TTC39B: variants seen among roughly 807,000 people sequenced by gnomAD.
The protein encoded by TTC39B is tetratricopeptide repeat protein 39B.
Under a neutral mutation model 96.6 loss-of-function variants are expected in TTC39B, and 92 were observed. That is an observed-to-expected ratio of 0.95 (90% CI 0.80 to 1.13). The LOEUF (loss-of-function observed/expected upper bound fraction) is 1.13, where lower values mean the gene tolerates loss of function less well. Ranked by LOEUF, TTC39B falls within the 50% of genes most tolerant of loss-of-function variation. The pLI, the probability that TTC39B is intolerant of heterozygous loss-of-function variation, is 0.00. For synonymous variants in TTC39B, 367 were observed against 299.4 expected, an observed-to-expected ratio of 1.23 and a Z score of -2.33; for missense variants, 955 against 809.3, an observed-to-expected ratio of 1.18 and a Z score of -2.18.
intron 8 of TTC39B, among the ~76,000 whole-genome samples, chr9:15,194,508 AC>A (rs1306872190): frequency 1.3e-5 from 2 of 152,158 alleles, no homozygotes; most frequent in East Asian, 1.9e-4. Flanking sequence ...CTTTCAAAAA[AC>A]CCTGTGGTTC....
intron 1 of TTC39B, among the ~76,000 whole-genome samples, chr9:15,280,363 G>A (rs141688372): frequency 1.3e-5 from 2 of 152,272 alleles, no homozygotes; most frequent in South Asian, 4.1e-4. Context: ...GTTTGCCTAC[G>A]TTTGCGCAAT....
chr9:15,251,731 A>ATATATATATATGTATG (rs1563764609), intron 2 of TTC39B, among the ~76,000 whole-genome samples: 21 of 126,956 alleles, frequency 1.7e-4, no homozygotes, highest in African/African-American at 6.7e-4. Context: ...ATATATATAT[A>ATATATATATATGTATG]TATATGTAGT....
At chr9:15,175,351 CACT>C (rs1441409433) in intron 18 of TTC39B, among the ~76,000 whole-genome samples, 3 of 152,084 alleles carry the variant, frequency 2.0e-5, no homozygotes, top group African/African-American at 7.2e-5. Flanking sequence ...GTAAACCCAG[CACT>C]GATGGTTGAT....
At chr9:15,190,597 G>C in exon 11 of TTC39B, 1 of 1,614,168 alleles carries the variant, frequency 6.2e-7, no homozygotes, top group Non-Finnish European at 8.5e-7. Flanking sequence ...AGATGGTTAA[G>C]CAGCACAGTG....
chr9:15,298,873 C>T (rs1824478831), intron 1 of TTC39B, among the ~76,000 whole-genome samples: 1 of 152,154 alleles, frequency 6.6e-6, no homozygotes, highest in African/African-American at 2.4e-5. Context: ...GCACCTTATC[C>T]CGCTATTCCC....
At chr9:15,226,986 T>TTTTTTG (rs1395566775) in intron 2 of TTC39B, among the ~76,000 whole-genome samples, 3 of 152,228 alleles carry the variant, frequency 2.0e-5, no homozygotes, top group Middle Eastern at 3.4e-3. Context: ...TTTGTGGTTG[T>TTTTTTG]TTTTTGTTTT....
intron 1 of TTC39B, among the ~76,000 whole-genome samples, chr9:15,294,969 G>C (rs1172690898): frequency 6.6e-6 from 1 of 152,200 alleles, no homozygotes; most frequent in African/African-American, 2.4e-5. Flanking sequence ...ACATGGAGGA[G>C]CAGGGATTCA....
chr9:15,215,699 A>T (rs1820476187), intron 3 of TTC39B, among the ~76,000 whole-genome samples: 1 of 151,362 alleles, frequency 6.6e-6, no homozygotes, highest in African/African-American at 2.4e-5. Context: ...CTCTACTAAA[A>T]ATACAAAAAT....
intron 1 of TTC39B, 99 bp from the exon 2 acceptor site, chr9:15,268,047 G>T (rs1823202770): frequency 1.9e-6 from 2 of 1,050,820 alleles, no homozygotes; most frequent in African/African-American, 1.6e-5. Context: ...GGGGAGAGTG[G>T]TCCTGGCAGG....
At chr9:15,190,329 T>C (rs1359384785) in intron 11 of TTC39B, among the ~76,000 whole-genome samples, 2 of 151,886 alleles carry the variant, frequency 1.3e-5, no homozygotes, top group Non-Finnish European at 2.9e-5. Context: ...ATCAACTTTA[T>C]GTTTTGTCTT....
chr9:15,216,172 T>C (rs749097265), intron 3 of TTC39B, among the ~76,000 whole-genome samples: 5 of 152,206 alleles, frequency 3.3e-5, no homozygotes, highest in African/African-American at 4.8e-5. Context: ...TCCAAAAGTA[T>C]CTTGTGCATG....
intron 2 of TTC39B, among the ~76,000 whole-genome samples, chr9:15,242,720 C>T (rs778344783): frequency 7.9e-5 from 12 of 152,138 alleles, no homozygotes; most frequent in East Asian, 1.9e-4. Flanking sequence ...TCTCAAATGA[C>T]TCAGAAAATA....
intron 13 of TTC39B, 92 bp downstream of exon 13, chr9:15,189,482 G>A (rs1667986565): frequency 7.2e-7 from 1 of 1,389,536 alleles, no homozygotes; most frequent in South Asian, 1.3e-5. Flanking sequence ...ATATAGCCAA[G>A]TTTACTTTTG....
At chr9:15,271,172 T>A (rs900098004) in intron 1 of TTC39B, among the ~76,000 whole-genome samples, 2 of 152,124 alleles carry the variant, frequency 1.3e-5, no homozygotes, top group Non-Finnish European at 2.9e-5. Flanking sequence ...GGGTGCCATA[T>A]CCTCTCAATG....
chr9:15,192,598 A>G, exon 9 of TTC39B: 1 of 1,613,006 alleles, frequency 6.2e-7, no homozygotes, highest in Non-Finnish European at 8.5e-7. Context: ...ACCAAATTAA[A>G]GGCCCCACTG....
rs994308265 is a variant in TTC39B, at chr9:15,257,639, G to A, written c.275+10275C>T. Among the ~76,000 whole-genome samples the A allele has an allele frequency of 3.9e-5, 6 of 152,064 alleles. No homozygotes were observed. In the South Asian group the frequency reaches 1.2e-3, roughly 32 times the overall value. On this transcript the variant is annotated intron_variant, in intron 2 of 19. Coordinates refer to ENST00000512701, the Ensembl canonical transcript of TTC39B. ...TTTTTTGTATTTTTTATAGAGAGGG[G>A]GTTTTGCCATGTTGGTCAGGCTGGT...
chr9:15,300,877 G>A (rs1824559035), intron 1 of TTC39B, among the ~76,000 whole-genome samples: 1 of 58,472 alleles, frequency 1.7e-5, no homozygotes, highest in Non-Finnish European at 3.6e-5. Context: ...GGGTGAAAGA[G>A]TAAAACTCCG....
At chr9:15,164,789 A>G (rs996067220) in exon 20 of TTC39B, 1 of 152,178 alleles carries the variant, frequency 6.6e-6, no homozygotes, top group Non-Finnish European at 1.5e-5. Flanking sequence ...ACACAATATG[A>G]GAATGCAACA....
At chr9:15,294,590 T>C (rs1363058308) in intron 1 of TTC39B, among the ~76,000 whole-genome samples, 6 of 152,208 alleles carry the variant, frequency 3.9e-5, no homozygotes, top group African/African-American at 1.4e-4. Flanking sequence ...TTTGAGCCCC[T>C]GTTTACTGCT....
Sources: gnomAD v4.1 joint callset for allele counts (sites outside exome capture counted in the v4.1 genomes callset) on GRCh38, gnomAD v4.1.1 for gene constraint, MANE v1.5 for transcripts, NCBI Gene and HGNC (gene_info 2026-07-23, HGNC 2026-07-21) for gene names.